The following DENND1B variants were observed in gnomAD, a reference collection of about 807,000 sequenced individuals.
DENND1B encodes DENN domain containing 1B.
A neutral mutation model predicts 90.1 loss-of-function variants in DENND1B; 59 were observed. The ratio of observed to expected loss-of-function variants is 0.65; its 90% CI spans 0.53 to 0.81. The LOEUF is 0.81. DENND1B is among the 40% of genes least tolerant of loss of function. The probability of loss-of-function intolerance (pLI) is 0.00; values close to 1 mark genes in which losing one functional copy is unlikely to be tolerated. For synonymous variants in DENND1B, 337 were observed against 324.6 expected, an observed-to-expected ratio of 1.04 and a Z score of -0.41; for missense variants, 862 against 912.6, an observed-to-expected ratio of 0.94 and a Z score of 0.71.
intron 10 of DENND1B, among the ~76,000 whole-genome samples, chr1:197,627,222 C>T (rs535593305): frequency 5.3e-5 from 8 of 151,640 alleles, no homozygotes; most frequent in South Asian, 4.2e-4. Flanking sequence ...AGAGACACAC[C>T]GAAAAAAGAG....
intron 14 of DENND1B, among the ~76,000 whole-genome samples, chr1:197,585,301 A>G (rs1271942501): frequency 2.0e-5 from 3 of 152,232 alleles, no homozygotes; most frequent in Non-Finnish European, 2.9e-5. Context: ...AATTTTAAAA[A>G]TAAATATAAG....
chr1:197,773,051 T>TTACTACACGTGTA, intron 1 of DENND1B, 119 bp from the exon 2 acceptor site: 2 of 805,250 alleles, frequency 2.5e-6, no homozygotes, highest in South Asian at 2.9e-5. Flanking sequence ...CGTGACTGTA[T>TTACTACACGTGTA]TACTACAGTA....
chr1:197,771,725 G>A (rs1484012823), intron 2 of DENND1B, among the ~76,000 whole-genome samples: 1 of 152,136 alleles, frequency 6.6e-6, no homozygotes, highest in Non-Finnish European at 1.5e-5. Flanking sequence ...TTTCCTCCAA[G>A]GCTTTAGGAT....
At chr1:197,686,021 C>A (rs1657200031) in intron 3 of DENND1B, among the ~76,000 whole-genome samples, 1 of 152,040 alleles carries the variant, frequency 6.6e-6, no homozygotes, top group Admixed American at 6.6e-5. Context: ...GTTGTTTTTA[C>A]ATAACAGAAA....
At chr1:197,582,608 T>G (rs557453521) in intron 15 of DENND1B, among the ~76,000 whole-genome samples, 1 of 152,214 alleles carries the variant, frequency 6.6e-6, no homozygotes, top group African/African-American at 2.4e-5. Context: ...TGAAATCTGA[T>G]GTCTAGTTAC....
At chr1:197,556,392 T>C (rs1282605358) in intron 15 of DENND1B, among the ~76,000 whole-genome samples, 2 of 152,032 alleles carry the variant, frequency 1.3e-5, no homozygotes, top group East Asian at 1.9e-4. Context: ...TGGAAAAATG[T>C]GGTTTAATCA....
chr1:197,757,796 C>G (rs74134869), intron 2 of DENND1B, among the ~76,000 whole-genome samples: 2,884 of 152,258 alleles, frequency 0.019, 79 homozygotes, highest in African/African-American at 0.064. Context: ...ATTTTTTAAT[C>G]ATTCAGAAGT....
chr1:197,619,793 AT>A (rs1394084601), intron 10 of DENND1B, among the ~76,000 whole-genome samples: 1 of 151,256 alleles, frequency 6.6e-6, no homozygotes, highest in East Asian at 2.0e-4. Flanking sequence ...AATTTGACTG[AT>A]TTCTTAGAGG....
chr1:197,780,386 C>T (rs1657396800), upstream of DENND1B, among the ~76,000 whole-genome samples: 3 of 146,922 alleles, frequency 2.0e-5, no homozygotes, highest in South Asian at 4.3e-4. Flanking sequence ...AGTGCAGTGG[C>T]GTGATCTTGG....
In DENND1B at chr1:197,630,666, C is replaced by T. The variant is rs76380932; in HGVS notation, c.672+12045G>A. ...ACATTTAGTCACTGGTTTATTAGCT[C>T]TTCCTAGCCAAATAATTCTAAATTT... On this transcript the variant is annotated intron_variant, in intron 10 of 22. Coordinates refer to ENST00000620048, the MANE Select transcript of DENND1B (RefSeq NM_001195215.2). Among the ~76,000 whole-genome samples the T allele has an allele frequency of 2.0e-3, 310 of 152,210 alleles. 2 individuals are homozygous for T. The highest frequency in any genetic ancestry group is 7.1e-3 in the African/African-American group (294 of 41,560).
chr1:197,672,299 A>G, intron 4 of DENND1B, 143 bp from the exon 5 acceptor site: 4 of 1,008,306 alleles, frequency 4.0e-6, no homozygotes, highest in Non-Finnish European at 5.6e-6. Context: ...ATGTTCTAAA[A>G]CTAGAGGAAG....
At chr1:197,573,045 T>C (rs1268780433) in intron 15 of DENND1B, among the ~76,000 whole-genome samples, 1 of 152,190 alleles carries the variant, frequency 6.6e-6, no homozygotes, top group Admixed American at 6.5e-5. Context: ...TCTTTATTAG[T>C]CTTGCTAGCG....
chr1:197,724,418 T>G (rs896326851), intron 2 of DENND1B, among the ~76,000 whole-genome samples: 1 of 152,138 alleles, frequency 6.6e-6, no homozygotes, highest in Non-Finnish European at 1.5e-5. Flanking sequence ...CTAAGAAACT[T>G]ACTGTAAATG....
At chr1:197,514,393 A>G (rs1443047997) in intron 20 of DENND1B, among the ~76,000 whole-genome samples, 1 of 151,574 alleles carries the variant, frequency 6.6e-6, no homozygotes, top group African/African-American at 2.4e-5. Flanking sequence ...AATTCCCATT[A>G]TTAGTAGATA....
At chr1:197,644,261 C>A (rs1160962753) in intron 9 of DENND1B, among the ~76,000 whole-genome samples, 1 of 152,160 alleles carries the variant, frequency 6.6e-6, no homozygotes, top group Non-Finnish European at 1.5e-5. Flanking sequence ...TATGCTTATT[C>A]TCTTGCTTTC....
chr1:197,602,712 C>T (rs1411849567), intron 13 of DENND1B, among the ~76,000 whole-genome samples: 1 of 151,296 alleles, frequency 6.6e-6, no homozygotes, highest in East Asian at 1.9e-4. Flanking sequence ...GTTTAATTTG[C>T]TTACATAACT....
chr1:197,519,824 T>C (rs145898301), intron 20 of DENND1B, among the ~76,000 whole-genome samples: 6 of 151,958 alleles, frequency 3.9e-5, no homozygotes, highest in African/African-American at 1.2e-4. Flanking sequence ...TATTGGTGCA[T>C]TGTGGATTGG....
intron 5 of DENND1B, among the ~76,000 whole-genome samples, chr1:197,669,403 C>T (rs1015366531): frequency 6.6e-6 from 1 of 152,078 alleles, no homozygotes; most frequent in Admixed American, 6.6e-5. Context: ...TTACAGAAAC[C>T]TGCCAAAATT....
At chr1:197,703,825 T>C (rs965091084) in intron 3 of DENND1B, among the ~76,000 whole-genome samples, 3 of 152,196 alleles carry the variant, frequency 2.0e-5, no homozygotes, top group Admixed American at 6.5e-5. Flanking sequence ...GCAAACATTC[T>C]CCATTCTTTT....
Sources: gnomAD v4.1 joint callset for allele counts (sites outside exome capture counted in the v4.1 genomes callset) on GRCh38, gnomAD v4.1.1 for gene constraint, MANE v1.5 for transcripts, NCBI Gene and HGNC (gene_info 2026-07-23, HGNC 2026-07-21) for gene names.